The following EHHADH variants were observed in gnomAD, a reference collection of about 807,000 sequenced individuals.
EHHADH encodes the protein enoyl-CoA hydratase and 3-hydroxyacyl CoA dehydrogenase, also known as peroxisomal bifunctional enzyme.
Under a neutral mutation model 64.4 loss-of-function variants are expected in EHHADH, and 48 were observed. The ratio of observed to expected loss-of-function variants is 0.75; its 90% confidence interval spans 0.59 to 0.95. The LOEUF is 0.95. Among genes scored for constraint, EHHADH ranks in the 40% least tolerant of loss-of-function variants. The pLI is 0.00. For synonymous variants in EHHADH, 308 were observed against 326.7 expected (o/e 0.94, Z 0.62); for missense variants, 854 against 876.6 (o/e 0.97, Z 0.33).
chr3:185,219,782 G>A (rs1457256483), intron 4 of EHHADH, among the ~76,000 whole-genome samples: 2 of 152,192 alleles, frequency 1.3e-5, no homozygotes, highest in Non-Finnish European at 2.9e-5. Context: ...GTTGGTGGAT[G>A]CCATCGGAGA....
intron 5 of EHHADH, among the ~76,000 whole-genome samples, chr3:185,207,584 G>A (rs1311779016): frequency 1.3e-5 from 2 of 152,108 alleles, no homozygotes; most frequent in Non-Finnish European, 2.9e-5. Context: ...AAGAACATGG[G>A]GACTCTGATC....
Position 185,240,367 on chromosome 3 carries a change from G to C in EHHADH, c.179-4905C>G, listed in dbSNP as rs535567782. 6.0e-4 allele frequency among the ~76,000 whole-genome samples: 91 copies of C among 150,464 alleles called. No individual in the cohort carries two copies. In the Middle Eastern group the frequency reaches 0.01, roughly 17 times the overall value. On this transcript the variant is annotated intron_variant, in intron 2 of 6. Transcript: ENST00000231887. ...GGTACCAGCTCTTCTTTGCACATCTGGTAAAATTTGGCTGTGAATCTATCT... is the reference window on the plus strand; with the variant it reads ...GGTACCAGCTCTTCTTTGCACATCTCGTAAAATTTGGCTGTGAATCTATCT...
At chr3:185,207,494 A>G (rs1360240099) in intron 5 of EHHADH, among the ~76,000 whole-genome samples, 1 of 152,214 alleles carries the variant, frequency 6.6e-6, no homozygotes, top group South Asian at 2.1e-4. Context: ...TGAGGAAAGG[A>G]GACCAAGAAC....
chr3:185,238,868 C>T (rs1410818122), intron 2 of EHHADH, among the ~76,000 whole-genome samples: 2 of 152,146 alleles, frequency 1.3e-5, no homozygotes, highest in East Asian at 1.9e-4. Context: ...CCTAGGCCAA[C>T]GTCCAAAAGA....
chr3:185,212,721 TTAAAG>T (rs1718575346), intron 5 of EHHADH, among the ~76,000 whole-genome samples: 1 of 152,208 alleles, frequency 6.6e-6, no homozygotes, highest in African/African-American at 2.4e-5. Context: ...AGTCACCACT[TTAAAG>T]TGTATAGTTC....
At chr3:185,226,000 G>A (rs149203448) in intron 4 of EHHADH, among the ~76,000 whole-genome samples, 2 of 152,128 alleles carry the variant, frequency 1.3e-5, no homozygotes, top group African/African-American at 4.8e-5. Context: ...ATCTCCACCT[G>A]TCTATATCTA....
At chr3:185,240,022 C>G (rs1034528435) in intron 2 of EHHADH, among the ~76,000 whole-genome samples, 2 of 152,078 alleles carry the variant, frequency 1.3e-5, no homozygotes, top group African/African-American at 4.8e-5. Context: ...TTTTCTGCAT[C>G]TATTGAGGTG....
intron 6 of EHHADH, among the ~76,000 whole-genome samples, chr3:185,200,003 A>C (rs977547643): frequency 6.6e-6 from 1 of 152,250 alleles, no homozygotes; most frequent in African/African-American, 2.4e-5. Flanking sequence ...CCGGAACTTT[A>C]CAGAAAAAGT....
At chr3:185,218,387 A>G (rs1718747504) in intron 4 of EHHADH, 147 bp from the exon 5 acceptor site, 1 of 464,116 alleles carries the variant, frequency 2.2e-6, no homozygotes, top group Non-Finnish European at 3.7e-6. Flanking sequence ...ACACTCACTG[A>G]AAGAATAGAA....
rs776235498 is a variant in EHHADH at position 185,229,535 on chromosome 3, A to C, written c.360T>G (p.Val120=). Residue 120 remains valine, a synonymous_variant, in exon 4 of 7, where the codon GTT becomes GTG. Transcript: ENST00000231887. ...HYRIAHAEAQ[V]GLPEVTLGLL... is the part of the protein sequence containing the mutation. ...GTCCCAGTGTAACTTCTGGTAAGCC[A>C]ACTTGAGCCTATCAAAGATTGAAGG... The C allele has an allele frequency of 6.4e-7, 1 of 1,565,768 alleles. No individual in the cohort carries two copies. Among genetic ancestry groups the C allele is most frequent in the Non-Finnish European group, 8.7e-7 (1 of 1,151,946 alleles).
intron 5 of EHHADH, among the ~76,000 whole-genome samples, chr3:185,205,091 G>A (rs1464647752): frequency 6.6e-6 from 1 of 151,384 alleles, no homozygotes; most frequent in African/African-American, 2.4e-5. Flanking sequence ...TATTTAATCT[G>A]TAATTAATAT....
intron 3 of EHHADH, among the ~76,000 whole-genome samples, chr3:185,229,963 T>C (rs1719108496): frequency 6.6e-6 from 1 of 152,076 alleles, no homozygotes; most frequent in Non-Finnish European, 1.5e-5. Flanking sequence ...TATAAAGAAC[T>C]TTACAAATCA....
chr3:185,229,309 C>T (rs986662512), intron 4 of EHHADH, 123 bp downstream of exon 4: 11 of 454,730 alleles, frequency 2.4e-5, no homozygotes, highest in Admixed American at 1.7e-4. Context: ...AATCGAGAGG[C>T]CAAGAAGTTC....
In EHHADH at chr3:185,204,566, C is replaced by G. The variant is rs1174138766; in HGVS notation, c.760G>C (p.Glu254Gln). ...PYEVGIKKEE[E>Q]LFLYLLQSGQ... ...GATTGCAAAAGATATAGAAACAGCT[C>G]CTCCTCCTTCTTGATGCCCACTTCA... Residue 254 changes from glutamate (E) to glutamine (Q), a missense_variant, in exon 6 of 7, where the codon GAG (glutamate) becomes CAG (glutamine). By Grantham distance (29) the Glu-to-Gln change is conservative. Transcript: ENST00000231887. 1.2e-6 allele frequency: 2 copies of G among 1,614,096 alleles called. No individual in the cohort carries two copies. The highest frequency in any genetic ancestry group is 2.7e-5 in the African/African-American group (2 of 74,932).
rs146062368 is a variant in EHHADH at position 185,204,548 on chromosome 3, A to G, written c.778T>C (p.Leu260=). 79 of 1,614,070 alleles carry G rather than the reference A, an allele frequency of 4.9e-5. No homozygotes were observed. Among genetic ancestry groups the G allele is most frequent in the Admixed American group, 6.7e-5 (4 of 60,008 alleles). ...KKEEELFLYL[L]QSGQARALQY... ...AGGGCTCTAGCCTGCCCTGATTGCAAAAGATATAGAAACAGCTCCTCCTCC... is the reference window on the plus strand; with the variant it reads ...AGGGCTCTAGCCTGCCCTGATTGCAGAAGATATAGAAACAGCTCCTCCTCC... Residue 260 remains leucine, a synonymous_variant, in exon 6 of 7, where the codon TTG becomes CTG. Coordinates refer to ENST00000231887, the MANE Select transcript of EHHADH (RefSeq NM_001966.4).
intron 3 of EHHADH, among the ~76,000 whole-genome samples, chr3:185,230,055 GTAAGCAC>G (rs1288327905): frequency 1.3e-5 from 2 of 152,150 alleles, no homozygotes. Flanking sequence ...CAAATGGCCA[GTAAGCAC>G]TTGAAAAGAT....
chr3:185,253,862 A>G, intron 1 of EHHADH, 87 bp downstream of exon 1: 2 of 1,565,362 alleles, frequency 1.3e-6, no homozygotes, highest in African/African-American at 2.7e-5. Context: ...CTCGGTTTAA[A>G]CCGACGGGGG....
At chr3:185,213,076 C>A (rs1056182178) in intron 5 of EHHADH, among the ~76,000 whole-genome samples, 2 of 115,582 alleles carry the variant, frequency 1.7e-5, no homozygotes, top group African/African-American at 6.7e-5. Context: ...GCCAAGATTG[C>A]ACCATTGTAC....
chr3:185,235,420 A>G lies in EHHADH; in HGVS notation c.221T>C (p.Leu74Pro). The G allele has an allele frequency of 6.2e-7, 1 of 1,613,814 alleles. No individual in the cohort carries two copies. Among genetic ancestry groups the G allele is most frequent in the East Asian group, 2.2e-5 (1 of 44,852 alleles). ...RGFSAPRTFG[L>P]TLGHVVDEIQ... ...TTCATCTACTACATGTCCCAGTGTA[A>G]GGCCAAATGTCCTAGGAGCACTGAA... Residue 74 changes from leucine (L) to proline (P), a missense_variant, in exon 3 of 7, where the codon CTT becomes CCT. Physicochemically the swap from Leu to Pro is moderately conservative, Grantham distance 98. Transcript: ENST00000231887.
Sources: allele counts gnomAD v4.1 joint callset (sites outside exome capture counted in the v4.1 genomes callset), GRCh38; gene constraint gnomAD v4.1.1; transcripts MANE v1.5; gene names NCBI Gene and HGNC (gene_info 2026-07-23, HGNC 2026-07-21).